Variants in ARHGAP25 observed in about 807,000 individuals in gnomAD.
The protein encoded by ARHGAP25 is rho GTPase-activating protein 25.
A neutral mutation model predicts 71.0 loss-of-function variants in ARHGAP25; 34 were observed. The ratio of observed to expected loss-of-function variants is 0.48; its 90% confidence interval spans 0.36 to 0.64. The LOEUF is 0.64. Ranked by LOEUF, ARHGAP25 falls within the 30% of genes least tolerant of loss-of-function variation. The pLI, the probability that ARHGAP25 is intolerant of heterozygous loss-of-function variation, is 0.00. For synonymous variants in ARHGAP25, 282 were observed against 296.5 expected (o/e 0.95, Z 0.50); for missense variants, 706 against 805.1 (o/e 0.88, Z 1.49).
chr2:68,729,428 G>C (rs1459094620), intron 2 of ARHGAP25, among the ~76,000 whole-genome samples: 2 of 152,174 alleles, frequency 1.3e-5, no homozygotes, highest in African/African-American at 4.8e-5. Context: ...CCTAGAGCCA[G>C]TGGGCTGCAA....
At chr2:68,757,562 T>C (rs1676559260) in intron 1 of ARHGAP25, 1 of 152,148 alleles carries the variant, frequency 6.6e-6, no homozygotes, top group South Asian at 2.1e-4. Flanking sequence ...GAAAAAATAT[T>C]CTCCAAAAGC....
upstream of ARHGAP25, among the ~76,000 whole-genome samples, chr2:68,730,612 T>C (rs144368615): frequency 1.1e-4 from 17 of 150,652 alleles, no homozygotes; most frequent in African/African-American, 3.7e-4. Context: ...ATTGTGTCAC[T>C]GCACTCCAGC....
chr2:68,742,119 G>A (rs754731208), intron 1 of ARHGAP25, among the ~76,000 whole-genome samples: 15 of 152,178 alleles, frequency 9.9e-5, no homozygotes, highest in Middle Eastern at 3.4e-3. Flanking sequence ...TTTCCACGCC[G>A]TACTATCCAT....
chr2:68,740,463 T>C (rs1320252733), intron 1 of ARHGAP25, among the ~76,000 whole-genome samples: 2 of 152,204 alleles, frequency 1.3e-5, no homozygotes, highest in Non-Finnish European at 2.9e-5. Context: ...CACTGGAGAC[T>C]TCAGCCACAT....
chr2:68,720,763 C>T (rs559189440), intron 2 of ARHGAP25, among the ~76,000 whole-genome samples: 1 of 152,262 alleles, frequency 6.6e-6, no homozygotes, highest in African/African-American at 2.4e-5. Flanking sequence ...AACACAACTT[C>T]CTTTCACCTG....
intron 1 of ARHGAP25, among the ~76,000 whole-genome samples, chr2:68,750,740 G>C (rs1676119319): frequency 6.6e-6 from 1 of 152,222 alleles, no homozygotes; most frequent in Admixed American, 6.5e-5. Flanking sequence ...GAGGTTCCCT[G>C]CAGACCGGAC....
chr2:68,747,234 C>G (rs895548912), intron 1 of ARHGAP25, among the ~76,000 whole-genome samples: 1 of 151,944 alleles, frequency 6.6e-6, no homozygotes, highest in Non-Finnish European at 1.5e-5. Context: ...TTTCCCTTAC[C>G]TCATTAGTTA....
chr2:68,825,976 C>A lies in ARHGAP25; in HGVS notation c.1734-11C>A, dbSNP rs768203468. 4 of 1,603,726 alleles carry A rather than the reference C, an allele frequency of 2.5e-6. No homozygotes were observed. In the African/African-American group the frequency reaches 5.4e-5, roughly 22 times the overall value. On this transcript the variant is annotated splice_polypyrimidine_tract_variant and intron_variant, in intron 10 of 10. Coordinates refer to ENST00000409202, the MANE Select transcript of ARHGAP25 (RefSeq NM_001007231.3). The stretch of plus-strand genomic sequence containing the variant: ...CCACATTCTTTCATTCTTTTCTTTC[C>A]TTCCTTGTAGCCTTGAGAAGGAAAA...
chr2:68,784,629 T>C (rs1678616209), intron 3 of ARHGAP25, among the ~76,000 whole-genome samples: 1 of 152,214 alleles, frequency 6.6e-6, no homozygotes, highest in Non-Finnish European at 1.5e-5. Context: ...GGTTGTTCCT[T>C]CTGTTGCATA....
At chr2:68,804,274 A>G (rs1356660113) in intron 4 of ARHGAP25, among the ~76,000 whole-genome samples, 2 of 152,172 alleles carry the variant, frequency 1.3e-5, no homozygotes, top group African/African-American at 4.8e-5. Context: ...GCACATCCTT[A>G]CATTGTGTTT....
At chr2:68,812,123 C>G (rs1680870948) in intron 5 of ARHGAP25, among the ~76,000 whole-genome samples, 1 of 152,116 alleles carries the variant, frequency 6.6e-6, no homozygotes, top group Non-Finnish European at 1.5e-5. Context: ...GCTTTGCAGG[C>G]CAGATGGTCT....
intron 2 of ARHGAP25, among the ~76,000 whole-genome samples, chr2:68,715,696 GA>G (rs1674593272): frequency 6.6e-6 from 1 of 152,182 alleles, no homozygotes; most frequent in Non-Finnish European, 1.5e-5. Context: ...AGAGCCCCAA[GA>G]GTAACCATCT....
intron 2 of ARHGAP25, among the ~76,000 whole-genome samples, chr2:68,726,039 C>A (rs1237020885): frequency 6.6e-6 from 1 of 152,210 alleles, no homozygotes; most frequent in Non-Finnish European, 1.5e-5. Context: ...TCACCCCTTC[C>A]CGTAGCACTT....
At chr2:68,819,014 G>A in intron 8 of ARHGAP25, 109 bp from the exon 9 acceptor site, 1 of 960,408 alleles carries the variant, frequency 1.0e-6, no homozygotes. Flanking sequence ...GCCCTTCTGG[G>A]CCCTATAGTT....
intron 6 of ARHGAP25, 131 bp downstream of exon 6, chr2:68,813,550 C>A: frequency 1.0e-6 from 1 of 997,446 alleles, no homozygotes; most frequent in South Asian, 1.8e-5. Flanking sequence ...ACTTCCTCAG[C>A]AACAAAAGGT....
intron 2 of ARHGAP25, among the ~76,000 whole-genome samples, chr2:68,720,366 AG>A (rs1471375686): frequency 6.6e-6 from 1 of 151,786 alleles, no homozygotes; most frequent in Non-Finnish European, 1.5e-5. Context: ...GAAAAAAAAA[AG>A]CTCCTATACT....
intron 1 of ARHGAP25, among the ~76,000 whole-genome samples, chr2:68,765,823 A>G (rs541934734): frequency 6.6e-6 from 1 of 152,156 alleles, no homozygotes; most frequent in South Asian, 2.1e-4. Flanking sequence ...AGCATTATTC[A>G]TTGGTCACTT....
intron 1 of ARHGAP25, among the ~76,000 whole-genome samples, chr2:68,753,336 A>G (rs557209921): frequency 1.3e-5 from 2 of 152,352 alleles, no homozygotes; most frequent in East Asian, 3.9e-4. Flanking sequence ...ACTTTCCACA[A>G]GAGAACTCCT....
chr2:68,741,001 G>A (rs1161872881), intron 1 of ARHGAP25, among the ~76,000 whole-genome samples: 1 of 152,228 alleles, frequency 6.6e-6, no homozygotes, highest in Non-Finnish European at 1.5e-5. Context: ...TTCTACAAAT[G>A]AGAGAGTAAC....
Sources: gnomAD v4.1 joint callset for allele counts (sites outside exome capture counted in the v4.1 genomes callset) on GRCh38, gnomAD v4.1.1 for gene constraint, MANE v1.5 for transcripts, NCBI Gene and HGNC (gene_info 2026-07-23, HGNC 2026-07-21) for gene names.